PCTP: variants seen among roughly 807,000 people sequenced by gnomAD.
PCTP encodes START domain-containing protein 2.
Under a neutral mutation model 31.0 loss-of-function variants are expected in PCTP, and 27 were observed. That is an observed-to-expected ratio of 0.87 (90% CI 0.64 to 1.20). The LOEUF (loss-of-function observed/expected upper bound fraction) is 1.20, where lower values mean the gene tolerates loss of function less well. Ranked by LOEUF, PCTP falls within the 50% of genes most tolerant of loss-of-function variation. The pLI is 0.00. For synonymous variants in PCTP, 108 were observed against 101.2 expected (o/e 1.07, Z -0.40); for missense variants, 287 against 268.2 (o/e 1.07, Z -0.49).
chr17:55,832,556 C>G (rs1240018030), intron 5 of PCTP, among the ~76,000 whole-genome samples: 1 of 152,116 alleles, frequency 6.6e-6, no homozygotes, highest in African/African-American at 2.4e-5. Context: ...GCAAGAATGC[C>G]TGAATATTTG....
chr17:55,763,151 A>C (rs564358488), intron 1 of PCTP, among the ~76,000 whole-genome samples: 5 of 152,236 alleles, frequency 3.3e-5, no homozygotes, highest in Non-Finnish European at 5.9e-5. Context: ...GCTTGGAAAA[A>C]TAAAACCGAT....
chr17:55,847,141 A>G (rs987884789), downstream of PCTP, among the ~76,000 whole-genome samples: 15 of 152,246 alleles, frequency 9.9e-5, no homozygotes, highest in African/African-American at 3.4e-4. Context: ...CTAGAACAAC[A>G]AAGAACAAAC....
chr17:55,851,008 C>G, the PCTP span, among the ~76,000 whole-genome samples: 1 of 152,134 alleles, frequency 6.6e-6, no homozygotes, highest in African/African-American at 2.4e-5. Context: ...ATTTTAAAAG[C>G]TCTCAGGTGA....
chr17:55,841,760 A>C (rs559473714), intron 5 of PCTP, among the ~76,000 whole-genome samples: 1 of 152,262 alleles, frequency 6.6e-6, no homozygotes, highest in East Asian at 1.9e-4. Flanking sequence ...GAATTTTTAG[A>C]TTGGGTATGC....
chr17:55,751,087 GC>G lies in PCTP; in HGVS notation c.-14del, dbSNP rs2144891446. The G allele has an allele frequency of 1.3e-6, 2 of 1,524,904 alleles. No individual in the cohort carries two copies. Among genetic ancestry groups the G allele is most frequent in the Non-Finnish European group, 1.8e-6 (2 of 1,136,782 alleles). 94.5% of individuals were successfully genotyped at this position (1,524,904 alleles called of 1,614,324 possible). A position where few individuals can be genotyped will look rare whatever the true frequency, so the allele number is the denominator to read the frequency against. On this transcript the variant is annotated 5_prime_UTR_variant, in exon 1 of 6. Transcript: ENST00000268896. Reference sequence around the variant, plus strand: ...CGCGGCCTGCCCTCCAGGCGGAGGAGCCCGGACTGCGGAAGGATGGAGCTGG... The same window carrying G: ...CGCGGCCTGCCCTCCAGGCGGAGGAGCCGGACTGCGGAAGGATGGAGCTGG...
rs1423510487 is a variant in PCTP, at chr17:55,751,180, C to T, written c.77C>T (p.Ala26Val). 3 of 1,548,772 alleles carry T rather than the reference C, an allele frequency of 1.9e-6. No individual in the cohort carries two copies. The South Asian group carries it at 3.6e-5, about 18-fold the overall frequency. The part of the protein sequence containing the change: ...ACAELQQPAL[A>V]GADWQLLVET... ...GCCGAGCTCCAGCAGCCCGCTCTGG[C>T]CGGGGCCGACTGGCAGCTCCTAGTG... Residue 26 changes from alanine to valine, a missense_variant, in exon 1 of 6, where the codon GCC becomes GTC. Ala to Val is a moderately conservative substitution (Grantham distance 64, BLOSUM62 0). Transcript: ENST00000268896.
At chr17:55,764,707 G>T (rs1032537394) in intron 1 of PCTP, among the ~76,000 whole-genome samples, 1 of 152,116 alleles carries the variant, frequency 6.6e-6, no homozygotes, top group Non-Finnish European at 1.5e-5. Context: ...AAAGCTTCAG[G>T]ATCTCTAGAA....
At chr17:55,762,091 A>G (rs1325363951) in intron 1 of PCTP, among the ~76,000 whole-genome samples, 1 of 152,172 alleles carries the variant, frequency 6.6e-6, no homozygotes, top group Admixed American at 6.6e-5. Context: ...AAAGAACCAT[A>G]TGCGGGGATG....
chr17:55,757,227 C>T (rs1910080251), intron 1 of PCTP, among the ~76,000 whole-genome samples: 1 of 148,998 alleles, frequency 6.7e-6, no homozygotes, highest in African/African-American at 2.5e-5. Flanking sequence ...TATATATATA[C>T]ACATATATAC....
intron 3 of PCTP, among the ~76,000 whole-genome samples, chr17:55,814,951 G>A (rs1479668912): frequency 6.6e-6 from 1 of 152,106 alleles, no homozygotes; most frequent in African/African-American, 2.4e-5. Context: ...CTCTGTTTCA[G>A]CTTTGAGAAA....
chr17:55,822,913 C>G, exon 4 of PCTP: 1 of 838,294 alleles, frequency 1.2e-6, no homozygotes, highest in East Asian at 3.3e-5. Context: ...TGTTGAAACA[C>G]TGAAATGGGT....
At position 55,758,407 on chromosome 17, in the gene PCTP, C is replaced by G. The variant is rs139180050; in HGVS notation, c.141+7163C>G. Among the ~76,000 whole-genome samples, 9 of 152,182 alleles carry G rather than the reference C, an allele frequency of 5.9e-5. 1 individual carries two copies. The East Asian group carries it at 1.7e-3, about 29-fold the overall frequency. On this transcript the variant is annotated intron_variant, in intron 1 of 5. Coordinates refer to ENST00000268896, the MANE Select transcript of PCTP (RefSeq NM_021213.4). Reference sequence around the variant, plus strand: ...CAGGCTGGGCTGAGAGAAAGTTTGGCCTTTAGAGAGAAACACAGATCCATC... The same window carrying G: ...CAGGCTGGGCTGAGAGAAAGTTTGGGCTTTAGAGAGAAACACAGATCCATC...
intron 2 of PCTP, among the ~76,000 whole-genome samples, chr17:55,787,251 C>T (rs1347074753): frequency 6.6e-6 from 1 of 151,292 alleles, no homozygotes; most frequent in East Asian, 1.9e-4. Context: ...AATGTGAAAA[C>T]TCTTATGTTC....
At chr17:55,794,307 CTT>C (rs892826349) in intron 3 of PCTP, among the ~76,000 whole-genome samples, 1 of 150,768 alleles carries the variant, frequency 6.6e-6, no homozygotes, top group African/African-American at 2.4e-5. Context: ...TAGTCTTCTT[CTT>C]TTTTTTTAAG....
intron 5 of PCTP, chr17:55,775,373 A>G (rs1567717601): frequency 2.4e-6 from 3 of 1,230,936 alleles, no homozygotes; most frequent in Non-Finnish European, 3.0e-6. Context: ...CATTATGGGG[A>G]CCATCAGCCT....
chr17:55,780,134 T>A (rs8075880), downstream of PCTP, among the ~76,000 whole-genome samples: 6,393 of 152,004 alleles, frequency 0.042, 440 homozygotes, highest in African/African-American at 0.14. Context: ...CATAACATAT[T>A]GTTTGTTTAG....
intron 3 of PCTP, among the ~76,000 whole-genome samples, chr17:55,807,122 G>A (rs1912602278): frequency 2.0e-5 from 3 of 152,168 alleles, no homozygotes; most frequent in Admixed American, 6.6e-5. Flanking sequence ...TGATGCAGAA[G>A]TTAGGCCATA....
chr17:55,817,913 G>T (rs1164882180), intron 3 of PCTP, among the ~76,000 whole-genome samples: 1 of 152,106 alleles, frequency 6.6e-6, no homozygotes, highest in Non-Finnish European at 1.5e-5. Flanking sequence ...GGGTCCTAGG[G>T]GTTACAGAGG....
At chr17:55,796,586 A>G (rs1912195185) in intron 3 of PCTP, among the ~76,000 whole-genome samples, 1 of 152,002 alleles carries the variant, frequency 6.6e-6, no homozygotes, top group Non-Finnish European at 1.5e-5. Flanking sequence ...TTAGCAGGAC[A>G]TTGGGAAGGT....
Sources: allele counts gnomAD v4.1 joint callset (sites outside exome capture counted in the v4.1 genomes callset), GRCh38; gene constraint gnomAD v4.1.1; transcripts MANE v1.5; gene names NCBI Gene and HGNC (gene_info 2026-07-23, HGNC 2026-07-21).